The following RANBP1 variants were observed in gnomAD, a reference collection of about 807,000 sequenced individuals.
RANBP1 encodes ran-specific GTPase-activating protein.
In RANBP1, 16 loss-of-function variants were observed where a neutral mutation model predicts 31.4. The ratio of observed to expected loss-of-function variants is 0.51; its 90% CI spans 0.34 to 0.77. The LOEUF is 0.77. Among genes scored for constraint, RANBP1 ranks in the 30% least tolerant of loss-of-function variants. The pLI, the probability that RANBP1 is intolerant of heterozygous loss-of-function variation, is 0.01. For synonymous variants in RANBP1, 129 were observed against 140.5 expected, an observed-to-expected ratio of 0.92 and a Z score of 0.58; for missense variants, 265 against 362.0, an observed-to-expected ratio of 0.73 and a Z score of 2.17.
rs2050297153 is a variant in RANBP1, at chr22:20,126,350, G to A, written c.718G>A (p.Glu240Lys). Residue 240 changes from glutamate to lysine, a missense_variant, in exon 5 of 6, where the codon GAA becomes AAA. This residue lies in a region of RANBP1 where 49 missense variants were observed against 47.9 expected (regional missense o/e 1.02). Transcript: ENST00000430524. ...TKFEECRKEI[E>K]EREKKAGSGK... ...GTTTGAAGAATGCAGGAAAGAGATCGAAGAGAGAGAAAAGAAAGGTGACGT... is the reference window on the plus strand; with the variant it reads ...GTTTGAAGAATGCAGGAAAGAGATCAAAGAGAGAGAAAAGAAAGGTGACGT... The A allele has an allele frequency of 1.1e-5, 17 of 1,613,990 alleles. No individual in the cohort carries two copies. The highest frequency in any genetic ancestry group is 2.2e-5 in the East Asian group (1 of 44,890).
intron 3 of RANBP1, among the ~76,000 whole-genome samples, chr22:20,123,170 G>T (rs1230549263): frequency 7.3e-6 from 1 of 137,228 alleles, no homozygotes; most frequent in Non-Finnish European, 1.6e-5. Flanking sequence ...GTGTGTCGGG[G>T]CATGTGTGGT....
chr22:20,118,119 G>T (rs1037308138), intron 1 of RANBP1: 5 of 1,000,628 alleles, frequency 5.0e-6, no homozygotes, highest in Non-Finnish European at 6.0e-6. Context: ...TCGCGTTCCA[G>T]CGTGGGGCAC....
At chr22:20,118,919 A>G (rs1463635081) in intron 1 of RANBP1, 94 bp from the exon 2 acceptor site, 2 of 1,333,430 alleles carry the variant, frequency 1.5e-6, no homozygotes, top group African/African-American at 3.0e-5. Flanking sequence ...AAGTCCCTTC[A>G]TTGTCGGAGG....
At chr22:20,121,648 G>T (rs2050174062) in intron 2 of RANBP1, among the ~76,000 whole-genome samples, 1 of 152,146 alleles carries the variant, frequency 6.6e-6, no homozygotes, top group Non-Finnish European at 1.5e-5. Context: ...GCGCTCAAGG[G>T]ATCCTCCTCC....
In RANBP1 at chr22:20,125,451, C is replaced by G. The variant is rs368893594; in HGVS notation, c.670+15C>G. 6.3e-7 allele frequency: 1 copy of G among 1,592,646 alleles called. No homozygotes were observed. The highest frequency in any genetic ancestry group is 8.6e-7 in the Non-Finnish European group (1 of 1,169,546). ...GAATGCTGAGAGTGAGCCAAGGGCC[C>G]TGGGGACCTGCCTGACTTGGGGCTC... On this transcript the variant is annotated intron_variant, in intron 4 of 5. Transcript: ENST00000430524.
chr22:20,123,721 G>A (rs2050238253), intron 3 of RANBP1, among the ~76,000 whole-genome samples: 1 of 152,078 alleles, frequency 6.6e-6, no homozygotes, highest in Non-Finnish European at 1.5e-5. Context: ...GCCACCCTGT[G>A]AGGGGTCCAG....
In RANBP1 at chr22:20,125,385, G is replaced by A; in HGVS notation, c.619G>A (p.Asp207Asn). Residue 207 changes from aspartate to asparagine, a missense_variant, in exon 4 of 6, where the codon GAC becomes AAC. Around this residue, in one of 3 missense-constraint regions of RANBP1, gnomAD observed 90 missense variants for 190.5 expected, o/e 0.47. Transcript: ENST00000430524. ...WVWNTHADFA[D>N]ECPKPELLAI... is the part of the protein sequence containing the mutation. ...CTGGAACACCCACGCTGACTTCGCC[G>A]ACGAGTGCCCCAAGCCAGAGCTGCT... The A allele has an allele frequency of 3.1e-6, 5 of 1,611,366 alleles. No individual in the cohort carries two copies. The highest frequency in any genetic ancestry group is 1.1e-5 in the South Asian group (1 of 90,846).
chr22:20,123,219 G>C (rs1385656071), intron 3 of RANBP1, among the ~76,000 whole-genome samples: 1 of 131,640 alleles, frequency 7.6e-6, no homozygotes, highest in African/African-American at 2.9e-5. Context: ...TGTACAGTGT[G>C]TGGTGTCTGG....
intron 5 of RANBP1, chr22:20,126,618 A>T (rs758101203): frequency 6.5e-7 from 1 of 1,527,088 alleles, no homozygotes. Flanking sequence ...GGAGCTCACC[A>T]GAAGGTGCTT....
intron 2 of RANBP1, among the ~76,000 whole-genome samples, chr22:20,121,461 C>G (rs544426353): frequency 6.6e-6 from 1 of 152,246 alleles, no homozygotes; most frequent in African/African-American, 2.4e-5. Flanking sequence ...GTTGGTCAGG[C>G]TGGTCTCGAA....
chr22:20,117,055 C>A, intron 1 of RANBP1: 3 of 1,011,982 alleles, frequency 3.0e-6, no homozygotes, highest in Non-Finnish European at 4.3e-6. Context: ...CGCGAGGTCG[C>A]CGCCACCCCC....
At chr22:20,122,723 CTGTGTGTGTG>C (rs544097533) in intron 3 of RANBP1, 638 of 928,976 alleles carry the variant, frequency 6.9e-4, no homozygotes, top group African/African-American at 6.3e-3. Context: ...CGAGGGGGTG[CTGTGTGTGTG>C]TGTGTGTGTG....
chr22:20,117,484 C>T, intron 1 of RANBP1: 2 of 1,229,628 alleles, frequency 1.6e-6, no homozygotes, highest in Non-Finnish European at 1.0e-6. Context: ...GCGTTTCCCG[C>T]CGCTGGGGTC....
rs150530613 is a variant in RANBP1 at position 20,126,960 on chromosome 22, G to A, written c.745G>A (p.Gly249Ser). Residue 249 changes from glycine (G) to serine (S), a missense_variant, in exon 6 of 6, where the codon GGC becomes AGC. Transcript: ENST00000430524. ...GCTGCTTGTGTTTTTAGCAGGATCA[G>A]GCAAAAATGATCATGCCGAAAAAGT... ...IEEREKKAGSGKNDHAEKVAE... is the reference protein window; with the variant it reads ...IEEREKKAGSSKNDHAEKVAE... 7 of 1,613,156 alleles carry A rather than the reference G, an allele frequency of 4.3e-6. No individual in the cohort carries two copies. Among genetic ancestry groups the A allele is most frequent in the Non-Finnish European group, 5.9e-6 (7 of 1,179,644 alleles).
At chr22:20,117,315 G>A (rs1198365151) in intron 1 of RANBP1, 3 of 1,019,542 alleles carry the variant, frequency 2.9e-6, no homozygotes, top group African/African-American at 3.4e-5. Context: ...TGGCCGGGAC[G>A]GAAGTGCGCG....
At chr22:20,122,708 C>G in intron 3 of RANBP1, 1 of 1,251,030 alleles carries the variant, frequency 8.0e-7, no homozygotes, top group South Asian at 1.3e-5. Flanking sequence ...GTGAGTGCTG[C>G]AGGGCGAGGG....
At chr22:20,117,263 G>C (rs1328836146) in intron 1 of RANBP1, 2 of 609,548 alleles carry the variant, frequency 3.3e-6, no homozygotes, top group Non-Finnish European at 4.9e-6. Flanking sequence ...TCACGCGCCG[G>C]ATCCAACCCC....
Position 20,118,309 on chromosome 22 carries a change from C to T in RANBP1, c.247-704C>T, listed in dbSNP as rs2050093141. ...GGGTCTCTTACGGACTTCTGGGTGA[C>T]CAAGGCATGTGTTCTGGAAGACTCG... On this transcript the variant is annotated intron_variant, in intron 1 of 5. Transcript: ENST00000430524. The T allele has an allele frequency of 7.0e-6, 7 of 1,002,408 alleles. No individual in the cohort carries two copies. The South Asian group carries it at 1.9e-4, about 27-fold the overall frequency. 62.1% of individuals were successfully genotyped at this position (1,002,408 alleles called of 1,614,324 possible). A position where few individuals can be genotyped will look rare whatever the true frequency, so the allele number is the denominator to read the frequency against.
In RANBP1 at chr22:20,126,704, A is replaced by G. The variant is rs1043910903; in HGVS notation, c.737-248A>G. The G allele has an allele frequency of 1.5e-5, 23 of 1,493,734 alleles. No individual in the cohort carries two copies. In the Admixed American group the frequency reaches 4.3e-4, roughly 28 times the overall value. 92.5% of individuals were successfully genotyped at this position (1,493,734 alleles called of 1,614,324 possible). ...AGGCTGGACTGCAGCTGTGGTGGCA[A>G]GTGACCAGATGTCACTGAGCAGCCT... On this transcript the variant is annotated intron_variant, in intron 5 of 5. Coordinates refer to ENST00000430524, the MANE Select transcript of RANBP1 (RefSeq NM_001278639.2).
Sources: allele counts gnomAD v4.1 joint callset (sites outside exome capture counted in the v4.1 genomes callset), GRCh38; gene constraint gnomAD v4.1.1; regional missense constraint gnomAD v4.1.1; transcripts MANE v1.5; gene names NCBI Gene and HGNC (gene_info 2026-07-23, HGNC 2026-07-21).